Variants in ELMOD3 observed in about 807,000 individuals in gnomAD.
ELMOD3 encodes ELMO domain-containing protein 3.
ELMOD3 carries 36 observed loss-of-function variants against 47.4 expected under a neutral mutation model. The observed-to-expected ratio is 0.76, with a 90% CI of 0.58 to 1.00. The LOEUF (loss-of-function observed/expected upper bound fraction) is 1.00, where lower values mean the gene tolerates loss of function less well. Among genes scored for constraint, ELMOD3 ranks in the 50% least tolerant of loss-of-function variants. The probability of loss-of-function intolerance (pLI) is 0.00; values close to 1 mark genes in which losing one functional copy is unlikely to be tolerated. For synonymous variants in ELMOD3, 149 were observed against 183.5 expected, an observed-to-expected ratio of 0.81 and a Z score of 1.52; for missense variants, 404 against 463.8, an observed-to-expected ratio of 0.87 and a Z score of 1.18.
At chr2:85,367,745 A>C (rs759069170) in intron 6 of ELMOD3, 3 of 152,180 alleles carry the variant, frequency 2.0e-5, no homozygotes, top group Non-Finnish European at 4.4e-5. Flanking sequence ...ACCCTGATAA[A>C]TCCATCAAAA....
At chr2:85,375,888 A>G (rs1349016796) in intron 10 of ELMOD3, among the ~76,000 whole-genome samples, 1 of 152,188 alleles carries the variant, frequency 6.6e-6, no homozygotes, top group Non-Finnish European at 1.5e-5. Context: ...AGCCAGAAAC[A>G]GCATCTCTCT....
At position 85,391,578 on chromosome 2, in the gene ELMOD3, A is replaced by T. The variant is rs1402055332; in HGVS notation, c.*616A>T. 1 of 153,104 alleles carries T rather than the reference A, an allele frequency of 6.5e-6. No homozygotes were observed. Among genetic ancestry groups the T allele is most frequent in the Non-Finnish European group, 1.5e-5 (1 of 68,494 alleles). The allele number at this position is 153,104 out of a possible 1,614,324, so 9.5% of individuals were successfully genotyped here. A position where few individuals can be genotyped will look rare whatever the true frequency, so the allele number is the denominator to read the frequency against. ...CCTGACCCCCGCTCCATTGTTTATGATGGAAAAACGGACATTTGGCTAGGT... is the reference window on the plus strand; with the variant it reads ...CCTGACCCCCGCTCCATTGTTTATGTTGGAAAAACGGACATTTGGCTAGGT... On this transcript the variant is annotated 3_prime_UTR_variant, in exon 14 of 14. Coordinates refer to ENST00000409013, the MANE Select transcript of ELMOD3 (RefSeq NM_001135022.2).
rs373811003 is a variant in ELMOD3 at position 85,366,690 on chromosome 2, A to G, written c.200-1996A>G. ...GCATTCACAAGTAGTTTGGCTCTCA[A>G]GTGTGCTTTCAGTAACTATCCTCTA... On this transcript the variant is annotated intron_variant, in intron 6 of 13. Transcript: ENST00000409013. 8.5e-5 allele frequency among the ~76,000 whole-genome samples: 13 copies of G among 152,350 alleles called. No individual in the cohort carries two copies. The East Asian group carries it at 2.3e-3, about 27-fold the overall frequency.
rs1340961571 is a variant in ELMOD3, at chr2:85,364,832, T to A, written c.199+1666T>A. On this transcript the variant is annotated intron_variant, in intron 6 of 13. Transcript: ENST00000409013. ...ATATATATATATATATATATTTTTT[T>A]TTTTTTTTTTTTTTTTCTTTCCAGA... 9.0e-3 allele frequency among the ~76,000 whole-genome samples: 1,143 copies of A among 126,306 alleles called. 2 individuals are homozygous for A. The highest frequency in any genetic ancestry group is 0.027 in the East Asian group (122 of 4,494). The allele number at this position is 126,306 out of a possible 152,430, so 82.9% of individuals were successfully genotyped here.
chr2:85,358,854 G>T (rs1024036053), intron 4 of ELMOD3, among the ~76,000 whole-genome samples: 1 of 152,168 alleles, frequency 6.6e-6, no homozygotes, highest in Admixed American at 6.5e-5. Flanking sequence ...TTTTCTGCTG[G>T]AGACAAAGCT....
At position 85,371,504 on chromosome 2, in the gene ELMOD3, C is replaced by T. The variant is rs115378987; in HGVS notation, c.549C>T (p.Thr183=). The T allele has an allele frequency of 0.022, 35,129 of 1,614,142 alleles. 560 individuals carry two copies. Among genetic ancestry groups the T allele is most frequent in the Middle Eastern group, 0.068 (412 of 6,058 alleles). Reference sequence around the variant, plus strand: ...TCCAGACCATCTATAAGAAGCTGACCGGCTCCAAGTTTGACTGTGCCCTTC... The same window carrying T: ...TCCAGACCATCTATAAGAAGCTGACTGGCTCCAAGTTTGACTGTGCCCTTC... ...RVLQTIYKKL[T]GSKFDCALHG... The change falls in exon 10 of 14, where the codon ACC becomes ACT. Residue 183 remains threonine (T), a synonymous_variant. Transcript: ENST00000409013.
intron 10 of ELMOD3, among the ~76,000 whole-genome samples, chr2:85,375,056 C>T (rs1685074488): frequency 6.6e-6 from 1 of 151,782 alleles, no homozygotes; most frequent in Non-Finnish European, 1.5e-5. Context: ...GCACTCCAGC[C>T]TGGGCGACAG....
chr2:85,374,821 A>G (rs1408870562), intron 10 of ELMOD3, among the ~76,000 whole-genome samples: 2 of 151,908 alleles, frequency 1.3e-5, no homozygotes, highest in African/African-American at 2.4e-5. Context: ...CAAAAGAAAG[A>G]TCTTTGCTGG....
rs575583374 is a variant in ELMOD3, at chr2:85,371,472, C to G, written c.517C>G (p.Arg173Gly). 524 of 1,614,178 alleles carry G rather than the reference C, an allele frequency of 3.2e-4. 4 individuals carry two copies. In the South Asian group the frequency reaches 5.5e-3, roughly 17 times the overall value. Reference protein sequence around the residue: ...GLDSQDPVHGRVLQTIYKKLT... With the variant: ...GLDSQDPVHGGVLQTIYKKLT... Reference sequence around the variant, plus strand: ...GGATAGCCAAGACCCAGTGCATGGCCGAGTCCTCCAGACCATCTATAAGAA... The same window carrying G: ...GGATAGCCAAGACCCAGTGCATGGCGGAGTCCTCCAGACCATCTATAAGAA... The change falls in exon 10 of 14, where the codon CGA (arginine) becomes GGA (glycine). Residue 173 changes from arginine (R) to glycine (G), a missense_variant. By Grantham distance (125) the Arg-to-Gly change is moderately radical. Transcript: ENST00000409013.
At position 85,371,266 on chromosome 2, in the gene ELMOD3, T is replaced by C. The variant is rs114220580; in HGVS notation, c.484+57T>C. ...CTGCATCTGTGGTTGGGCAAGACCG[T>C]GTGTGCTGACCCTGTGAGGCTAAGC... On this transcript the variant is annotated intron_variant, in intron 9 of 13. Coordinates refer to ENST00000409013, the MANE Select transcript of ELMOD3 (RefSeq NM_001135022.2). 879 of 1,613,816 alleles carry C rather than the reference T, an allele frequency of 5.4e-4. 6 individuals carry two copies. In the African/African-American group the frequency reaches 0.01, roughly 19 times the overall value.
chr2:85,389,481 G>GC, intron 11 of ELMOD3: 1 of 517,532 alleles, frequency 1.9e-6, no homozygotes, highest in Non-Finnish European at 3.5e-6. Flanking sequence ...TGGAGAGCTA[G>GC]CACGGGGGTT....
intron 7 of ELMOD3, 39 bp from the exon 8 acceptor site, chr2:85,369,700 A>G: frequency 1.9e-6 from 3 of 1,602,588 alleles, no homozygotes; most frequent in Non-Finnish European, 2.6e-6. Flanking sequence ...TGACAGAATG[A>G]CTCCTATAAA....
At chr2:85,358,967 G>T (rs922009806) in intron 4 of ELMOD3, among the ~76,000 whole-genome samples, 2 of 152,176 alleles carry the variant, frequency 1.3e-5, no homozygotes, top group African/African-American at 4.8e-5. Flanking sequence ...TATAGACTCT[G>T]TCCTTTGCTT....
At position 85,357,058 on chromosome 2, in the gene ELMOD3, T is replaced by A; in HGVS notation, c.-141T>A. The A allele has an allele frequency of 1.6e-6, 1 of 611,472 alleles. No individual in the cohort carries two copies. Among genetic ancestry groups the A allele is most frequent in the Non-Finnish European group, 2.9e-6 (1 of 346,646 alleles). 37.9% of individuals were successfully genotyped at this position (611,472 alleles called of 1,614,324 possible). On this transcript the variant is annotated 5_prime_UTR_variant, in exon 4 of 14. Transcript: ENST00000409013. ...TGGCACAAAGGGACTGTTTTCTTACTCTTAGTCTGAGTGACTGCCAAGGAA... is the reference window on the plus strand; with the variant it reads ...TGGCACAAAGGGACTGTTTTCTTACACTTAGTCTGAGTGACTGCCAAGGAA...
At chr2:85,389,913 C>A in intron 12 of ELMOD3, 86 bp downstream of exon 12, 2 of 1,307,896 alleles carry the variant, frequency 1.5e-6, no homozygotes, top group East Asian at 2.3e-5. Flanking sequence ...CAGCTCTACT[C>A]CACCTGCTGG....
intron 4 of ELMOD3, among the ~76,000 whole-genome samples, chr2:85,358,127 A>G (rs1235610063): frequency 1.3e-5 from 2 of 151,884 alleles, no homozygotes. Context: ...TAAAAATACA[A>G]AATTATCTGG....
At chr2:85,370,764 G>A (rs1010856839) in intron 8 of ELMOD3, among the ~76,000 whole-genome samples, 1 of 152,228 alleles carries the variant, frequency 6.6e-6, no homozygotes, top group African/African-American at 2.4e-5. Flanking sequence ...GCCTGGGGGA[G>A]CTGGGCAGGT....
intron 6 of ELMOD3, among the ~76,000 whole-genome samples, chr2:85,365,235 C>G (rs1232112852): frequency 6.6e-6 from 1 of 151,118 alleles, no homozygotes; most frequent in African/African-American, 2.4e-5. Flanking sequence ...GAGTTCTCTA[C>G]CAAAAATACA....
chr2:85,377,455 T>C lies in ELMOD3; in HGVS notation c.719T>C (p.Leu240Pro). The C allele has an allele frequency of 6.2e-7, 1 of 1,608,650 alleles. No individual in the cohort carries two copies. The highest frequency in any genetic ancestry group is 8.5e-7 in the Non-Finnish European group (1 of 1,177,388). Reference sequence around the variant, plus strand: ...CCGATGGCGCAGGAGATTTTCCGCCTGTCTCGTCACCACATCCAGGTGAGA... The same window carrying C: ...CCGATGGCGCAGGAGATTTTCCGCCCGTCTCGTCACCACATCCAGGTGAGA... ...TLPMAQEIFR[L>P]SRHHIQQFPF... The change falls in exon 11 of 14, where the codon CTG becomes CCG. Residue 240 changes from leucine (L) to proline (P), a missense_variant. By Grantham distance (98) the Leu-to-Pro change is moderately conservative. Transcript: ENST00000409013.
Sources: allele counts gnomAD v4.1 joint callset (sites outside exome capture counted in the v4.1 genomes callset), GRCh38; gene constraint gnomAD v4.1.1; transcripts MANE v1.5; gene names NCBI Gene and HGNC (gene_info 2026-07-23, HGNC 2026-07-21).